MYL10: variants seen among roughly 807,000 people sequenced by gnomAD.
MYL10 encodes the protein myosin light chain 10, also known as myosin regulatory light chain 10.
A neutral mutation model predicts 21.9 loss-of-function variants in MYL10; 18 were observed. The observed-to-expected ratio is 0.82, with a 90% CI of 0.57 to 1.22. MYL10 has a LOEUF of 1.22. MYL10 is among the 50% of genes most tolerant of loss of function. The probability of loss-of-function intolerance (pLI) is 0.00; values close to 1 mark genes in which losing one functional copy is unlikely to be tolerated. For missense variants in MYL10, 225 were observed against 230.4 expected, an observed-to-expected ratio of 0.98 and a Z score of 0.15; for synonymous variants, 88 against 82.8, an observed-to-expected ratio of 1.06 and a Z score of -0.34.
intron 3 of MYL10, among the ~76,000 whole-genome samples, chr7:101,623,507 C>T (rs771122350): frequency 7.9e-5 from 12 of 151,640 alleles, no homozygotes; most frequent in South Asian, 4.2e-4. Flanking sequence ...CAAGCCTGGG[C>T]GAAATAATGA....
intron 5 of MYL10, among the ~76,000 whole-genome samples, chr7:101,619,685 C>G (rs559797538): frequency 6.6e-6 from 1 of 151,892 alleles, no homozygotes; most frequent in African/African-American, 2.4e-5. Flanking sequence ...GTCAGGAGAT[C>G]GAGACCATCC....
chr7:101,621,023 A>G (rs1257581225), intron 5 of MYL10, among the ~76,000 whole-genome samples: 1 of 152,010 alleles, frequency 6.6e-6, no homozygotes, highest in Non-Finnish European at 1.5e-5. Context: ...TCCTGACCTC[A>G]GGTGATCCAC....
chr7:101,620,360 G>C (rs1433775173), intron 5 of MYL10, among the ~76,000 whole-genome samples: 1 of 152,106 alleles, frequency 6.6e-6, no homozygotes, highest in Non-Finnish European at 1.5e-5. Flanking sequence ...GGCAGGTGGA[G>C]GGAGGTTAAA....
intron 5 of MYL10, among the ~76,000 whole-genome samples, chr7:101,618,793 G>C (rs1441976026): frequency 6.6e-6 from 1 of 151,906 alleles, no homozygotes; most frequent in Non-Finnish European, 1.5e-5. Context: ...CAGTCCCGGC[G>C]CCCCTGCAAA....
intron 5 of MYL10, among the ~76,000 whole-genome samples, 176 bp downstream of exon 5, chr7:101,621,920 G>A (rs1796683402): frequency 6.6e-6 from 1 of 152,212 alleles, no homozygotes; most frequent in Non-Finnish European, 1.5e-5. Context: ...CCAGTCTGCG[G>A]TGAAGAGAGG....
chr7:101,621,937 G>A (rs979055942), intron 5 of MYL10, among the ~76,000 whole-genome samples, 159 bp downstream of exon 5: 3 of 152,174 alleles, frequency 2.0e-5, no homozygotes, highest in Admixed American at 6.5e-5. Context: ...GAGGGAAACC[G>A]AGGCAGGGCC....
rs201089240 is a variant in MYL10 at position 101,624,269 on chromosome 7, G to A, written c.79-5C>T. The A allele has an allele frequency of 1.2e-5, 20 of 1,610,594 alleles. No individual in the cohort carries two copies. The highest frequency in any genetic ancestry group is 1.1e-4 in the East Asian group (5 of 44,856). ...TTTCCGAGCTCTTCTCGGTGCCTGCGAGGTAGCAGACAAGGCCTTGCAGCG... is the reference window on the plus strand; with the variant it reads ...TTTCCGAGCTCTTCTCGGTGCCTGCAAGGTAGCAGACAAGGCCTTGCAGCG... On this transcript the variant is annotated splice_region_variant and splice_polypyrimidine_tract_variant and intron_variant, in intron 1 of 7. Transcript: ENST00000223167.
At chr7:101,621,571 A>G (rs569013226) in intron 5 of MYL10, among the ~76,000 whole-genome samples, 23 of 147,088 alleles carry the variant, frequency 1.6e-4, no homozygotes, top group African/African-American at 5.6e-4. Context: ...AAGGGGTTAA[A>G]GGCAGTGTTT....
intron 1 of MYL10, among the ~76,000 whole-genome samples, chr7:101,626,906 G>C (rs750845712): frequency 1.6e-4 from 25 of 152,310 alleles, no homozygotes; most frequent in Non-Finnish European, 2.9e-4. Flanking sequence ...ATCAGATTAA[G>C]GTCAGGAAGG....
At chr7:101,623,146 T>C in intron 3 of MYL10, 74 bp from the exon 4 acceptor site, 1 of 1,385,268 alleles carries the variant, frequency 7.2e-7, no homozygotes, top group East Asian at 2.4e-5. Context: ...ACCGTCCTCC[T>C]GCCGACTGCT....
In MYL10 at chr7:101,613,535, G is replaced by A. The variant is rs746215406; in HGVS notation, c.621C>T (p.Cys207=). 16 of 1,613,966 alleles carry A rather than the reference G, an allele frequency of 9.9e-6. No individual in the cohort carries two copies. The highest frequency in any genetic ancestry group is 6.7e-5 in the African/African-American group (5 of 74,892). Residue 207 remains cysteine (C), a synonymous_variant, in exon 8 of 8, where the codon TGC becomes TGT. Coordinates refer to ENST00000223167, the MANE Select transcript of MYL10 (RefSeq NM_138403.5). ...ACAGGTTTCTGTAGTCCAGGTTGCC[G>A]CACACATCTGGGGGAAATGCTGCAA... ...QMFAAFPPDV[C]GNLDYRNLCY... is the part of the protein sequence containing the mutation.
rs750186136 is a variant in MYL10 at position 101,613,487 on chromosome 7, T to C, written c.669A>G (p.Glu223=). ...GACTTGTGATCCCCTAATCCTTCTC[T>C]TCACCGTGAGTGATGACGTAGCACA... ...RNLCYVITHG[E]EKD is the part of the protein sequence containing the mutation. The change falls in exon 8 of 8, where the codon GAA becomes GAG. Residue 223 remains glutamate (E), a synonymous_variant. Coordinates refer to ENST00000223167, the MANE Select transcript of MYL10 (RefSeq NM_138403.5). 3 of 1,613,958 alleles carry C rather than the reference T, an allele frequency of 1.9e-6. No individual in the cohort carries two copies. The South Asian group carries it at 3.3e-5, about 18-fold the overall frequency.
At chr7:101,617,549 C>T (rs2130736726) in intron 5 of MYL10, among the ~76,000 whole-genome samples, 1 of 152,374 alleles carries the variant, frequency 6.6e-6, no homozygotes, top group Admixed American at 6.5e-5. Flanking sequence ...TTAGGTCAGC[C>T]AGGGCCATGT....
chr7:101,626,151 G>A (rs1465966254), intron 1 of MYL10, among the ~76,000 whole-genome samples: 1 of 152,208 alleles, frequency 6.6e-6, no homozygotes, highest in Non-Finnish European at 1.5e-5. Context: ...AGCCTGGCTT[G>A]GCTGCTCCCA....
intron 6 of MYL10, 83 bp from the exon 7 acceptor site, chr7:101,613,793 A>G (rs1796578329): frequency 1.5e-6 from 2 of 1,330,036 alleles, no homozygotes; most frequent in South Asian, 2.4e-5. Flanking sequence ...ATGAGGGGCA[A>G]GTGGGGGCAG....
At chr7:101,625,442 C>T (rs767442516) in intron 1 of MYL10, among the ~76,000 whole-genome samples, 3 of 152,146 alleles carry the variant, frequency 2.0e-5, no homozygotes, top group South Asian at 2.1e-4. Flanking sequence ...CTCCTGTCTC[C>T]GTCACAACTT....
In MYL10 at chr7:101,624,315, C is replaced by T. The variant is rs141007296; in HGVS notation, c.79-51G>A. On this transcript the variant is annotated intron_variant, in intron 1 of 7. Coordinates refer to ENST00000223167, the MANE Select transcript of MYL10 (RefSeq NM_138403.5). ...CAGCGGCCCCTGCCTCGAGGGTCAG[C>T]CCCCACCCCCTGTCTCACCTCCCAG... is the stretch of plus-strand genomic sequence containing the variant. The T allele has an allele frequency of 1.3e-4, 187 of 1,403,042 alleles. No homozygotes were observed. The East Asian group carries it at 4.1e-3, about 31-fold the overall frequency. 86.9% of individuals were successfully genotyped at this position (1,403,042 alleles called of 1,614,324 possible). A position where few individuals can be genotyped will look rare whatever the true frequency, so the allele number is the denominator to read the frequency against.
At chr7:101,619,310 C>T (rs548355191) in intron 5 of MYL10, among the ~76,000 whole-genome samples, 1 of 152,312 alleles carries the variant, frequency 6.6e-6, no homozygotes, top group East Asian at 1.9e-4. Context: ...CGACAAGCTG[C>T]CTGGAGGTGG....
Position 101,623,072 on chromosome 7 carries a change from C to T in MYL10, c.274G>A (p.Ala92Thr), listed in dbSNP as rs754585368. Reference sequence around the variant, plus strand: ...CGGTTCTGGTCCATGATGGTGAAAGCCTGGCAGAGACACAGGTGCTAAGTA... The same window carrying T: ...CGGTTCTGGTCCATGATGGTGAAAGTCTGGCAGAGACACAGGTGCTAAGTA... ...SSNSPASASQ[A>T]FTIMDQNRDG... is the part of the protein sequence containing the mutation. Residue 92 changes from alanine to threonine, a missense_variant and splice_region_variant, in exon 4 of 8, where the codon GCT (alanine) becomes ACT (threonine). Transcript: ENST00000223167. 11 of 1,613,526 alleles carry T rather than the reference C, an allele frequency of 6.8e-6. No homozygotes were observed. The highest frequency in any genetic ancestry group is 1.3e-5 in the African/African-American group (1 of 74,920).
Sources: gnomAD v4.1 joint callset for allele counts (sites outside exome capture counted in the v4.1 genomes callset) on GRCh38, gnomAD v4.1.1 for gene constraint, MANE v1.5 for transcripts, NCBI Gene and HGNC (gene_info 2026-07-23, HGNC 2026-07-21) for gene names.